The following DAAM1 variants were observed in gnomAD, a reference collection of about 807,000 sequenced individuals.
DAAM1 encodes the protein dishevelled associated activator of morphogenesis 1.
A neutral mutation model predicts 130.0 loss-of-function variants in DAAM1; 52 were observed. The ratio of observed to expected loss-of-function variants is 0.40; its 90% CI spans 0.32 to 0.50. DAAM1 has a LOEUF of 0.50. DAAM1 is among the 20% of genes least tolerant of loss of function. The pLI, the probability that DAAM1 is intolerant of heterozygous loss-of-function variation, is 0.61. For missense variants in DAAM1, 1,134 were observed against 1,303.8 expected (o/e 0.87, Z 2.01); for synonymous variants, 452 against 444.5 (o/e 1.02, Z -0.21).
intron 17 of DAAM1, among the ~76,000 whole-genome samples, chr14:59,349,789 A>C (rs1051273455): frequency 6.6e-6 from 1 of 152,186 alleles, no homozygotes; most frequent in African/African-American, 2.4e-5. Context: ...AGTCCTTTAC[A>C]CAACTCTCCT....
intron 12 of DAAM1, among the ~76,000 whole-genome samples, chr14:59,327,391 T>G (rs1885245835): frequency 6.8e-6 from 1 of 146,000 alleles, no homozygotes. Flanking sequence ...GAAGAACAGG[T>G]CACTTGGTTT....
intron 2 of DAAM1, among the ~76,000 whole-genome samples, chr14:59,281,603 C>G (rs564875537): frequency 6.6e-6 from 1 of 152,006 alleles, no homozygotes; most frequent in Non-Finnish European, 1.5e-5. Context: ...CCTTTACCTG[C>G]TAAGGAATTT....
At chr14:59,263,940 T>G (rs1039262894) in intron 2 of DAAM1, 3 of 470,602 alleles carry the variant, frequency 6.4e-6, no homozygotes, top group South Asian at 6.4e-5. Flanking sequence ...TACTGCATCT[T>G]AAGTTGCCCT....
chr14:59,321,988 A>G (rs767813111), intron 5 of DAAM1, among the ~76,000 whole-genome samples: 19 of 152,224 alleles, frequency 1.2e-4, no homozygotes, highest in Non-Finnish European at 1.3e-4. Flanking sequence ...AAATATTAAT[A>G]ACGTTAGTAT....
intron 3 of DAAM1, among the ~76,000 whole-genome samples, chr14:59,291,768 G>A (rs1020903303): frequency 2.6e-5 from 4 of 152,162 alleles, no homozygotes; most frequent in Non-Finnish European, 5.9e-5. Context: ...AGAAAGGAAA[G>A]GAAGCACAGG....
At chr14:59,212,917 A>T (rs767474324) in intron 1 of DAAM1, among the ~76,000 whole-genome samples, 4 of 152,168 alleles carry the variant, frequency 2.6e-5, no homozygotes, top group Non-Finnish European at 5.9e-5. Flanking sequence ...AATGAATTTT[A>T]CTTTTATCAA....
Position 59,324,389 on chromosome 14 carries a change from T to C in DAAM1, c.924T>C (p.Phe308=), listed in dbSNP as rs1420231151. The C allele has an allele frequency of 6.3e-7, 1 of 1,596,482 alleles. No homozygotes were observed. Among genetic ancestry groups the C allele is most frequent in the South Asian group, 1.2e-5 (1 of 86,576 alleles). Residue 308 remains phenylalanine, a synonymous_variant, in exon 8 of 25, where the codon TTT becomes TTC. Transcript: ENST00000360909. ...LDFRLHLRYE[F]LMLGIQPVID... is the part of the protein sequence containing the mutation. ...TTAGACTTCATCTTCGCTATGAATT[T>C]CTGATGTTAGGAATTCAACCTGTAA... is the stretch of plus-strand genomic sequence containing the variant.
intron 16 of DAAM1, among the ~76,000 whole-genome samples, chr14:59,345,909 G>T (rs1344736297): frequency 6.6e-6 from 1 of 152,200 alleles, no homozygotes; most frequent in Admixed American, 6.5e-5. Flanking sequence ...TTTGGAAAGT[G>T]ATCATAATTA....
chr14:59,264,114 T>C, intron 2 of DAAM1: 1 of 201,790 alleles, frequency 5.0e-6, no homozygotes, highest in South Asian at 9.3e-5. Flanking sequence ...ATCCTGTCAT[T>C]GATCCTTTGG....
chr14:59,197,351 G>A (rs1460099282), intron 1 of DAAM1, among the ~76,000 whole-genome samples: 1 of 152,190 alleles, frequency 6.6e-6, no homozygotes, highest in African/African-American at 2.4e-5. Flanking sequence ...TCATTTCTGC[G>A]TTAGAGGTAC....
Position 59,326,564 on chromosome 14 carries a change from A to C in DAAM1, c.1229A>C (p.Gln410Pro). Reference sequence around the variant, plus strand: ...TGGCTACTACTAGATAGAATTATACAGCAGATAGTTATCCAGAATGACAAA... The same window carrying C: ...TGGCTACTACTAGATAGAATTATACCGCAGATAGTTATCCAGAATGACAAA... Reference protein sequence around the residue: ...QYWLLLDRIIQQIVIQNDKGQ... With the variant: ...QYWLLLDRIIPQIVIQNDKGQ... The change falls in exon 11 of 25, where the codon CAG (glutamine) becomes CCG (proline). Residue 410 changes from glutamine to proline, a missense_variant. Gln to Pro is a moderately conservative substitution (Grantham distance 76). This residue lies in a region of DAAM1 where 391 missense variants were observed against 521.6 expected (regional missense o/e 0.75). Transcript: ENST00000360909. 6.2e-7 allele frequency: 1 copy of C among 1,614,010 alleles called. No individual in the cohort carries two copies. The highest frequency in any genetic ancestry group is 1.7e-4 in the Middle Eastern group (1 of 6,060).
intron 1 of DAAM1, among the ~76,000 whole-genome samples, chr14:59,259,632 C>T (rs1882074304): frequency 6.6e-6 from 1 of 152,192 alleles, no homozygotes; most frequent in Admixed American, 6.5e-5. Context: ...GATGTGGTCC[C>T]TGCCCTGAGG....
intron 1 of DAAM1, among the ~76,000 whole-genome samples, chr14:59,233,627 C>T (rs1250043108): frequency 6.6e-6 from 1 of 152,142 alleles, no homozygotes; most frequent in Non-Finnish European, 1.5e-5. Context: ...TATGCAGAAG[C>T]TCTTTCGTTT....
intron 1 of DAAM1, among the ~76,000 whole-genome samples, chr14:59,214,788 A>C (rs10220457): frequency 8.1e-4 from 124 of 152,326 alleles, no homozygotes; most frequent in African/African-American, 2.8e-3. Flanking sequence ...ATCATGAATA[A>C]TGCTGCCGTC....
At position 59,355,286 on chromosome 14, in the gene DAAM1, G is replaced by C. The variant is rs1250054597; in HGVS notation, c.2478G>C (p.Lys826Asn). ...AAAGAGGGAATGCATATGGATTCAA[G>C]ATATCTAGCCTAAACAAAATTGCTG... ...KGQRGNAYGF[K>N]ISSLNKIADT... is the part of the protein sequence containing the mutation. The change falls in exon 20 of 25, where the codon AAG (lysine) becomes AAC (asparagine). Residue 826 changes from lysine (K) to asparagine (N), a missense_variant. Transcript: ENST00000360909. The C allele has an allele frequency of 6.2e-7, 1 of 1,614,050 alleles. No homozygotes were observed. The highest frequency in any genetic ancestry group is 1.7e-5 in the Admixed American group (1 of 59,994).
At chr14:59,329,852 C>T (rs1051186987) in intron 12 of DAAM1, among the ~76,000 whole-genome samples, 10 of 152,224 alleles carry the variant, frequency 6.6e-5, no homozygotes, top group Non-Finnish European at 1.5e-4. Flanking sequence ...TGACCCCACT[C>T]CCCTTAAGAT....
intron 1 of DAAM1, among the ~76,000 whole-genome samples, chr14:59,193,329 C>T (rs1887789049): frequency 6.6e-6 from 1 of 152,000 alleles, no homozygotes; most frequent in African/African-American, 2.4e-5. Flanking sequence ...CTGAAGTTCA[C>T]CCCCTTTCTC....
At chr14:59,300,676 CATAA>C (rs1884135667) in intron 3 of DAAM1, among the ~76,000 whole-genome samples, 1 of 152,032 alleles carries the variant, frequency 6.6e-6, no homozygotes, top group Non-Finnish European at 1.5e-5. Flanking sequence ...AGAAATAAAA[CATAA>C]ATATAGTTGA....
chr14:59,346,981 C>T (rs1886108118), intron 16 of DAAM1, among the ~76,000 whole-genome samples: 1 of 151,514 alleles, frequency 6.6e-6, no homozygotes, highest in Admixed American at 6.6e-5. Flanking sequence ...TTATGTCTGA[C>T]CTCGGACAAA....
Sources: gnomAD v4.1 joint callset for allele counts (sites outside exome capture counted in the v4.1 genomes callset) on GRCh38, gnomAD v4.1.1 for gene constraint, gnomAD v4.1.1 regional missense constraint, MANE v1.5 for transcripts, NCBI Gene and HGNC (gene_info 2026-07-23, HGNC 2026-07-21) for gene names.